Variants in YAP1 observed in about 807,000 individuals in gnomAD.
YAP1 encodes the protein Yes1 associated transcriptional regulator, also known as transcriptional coactivator YAP1.
Under a neutral mutation model 56.9 loss-of-function variants are expected in YAP1, and 5 were observed. The ratio of observed to expected loss-of-function variants is 0.09; its 90% CI spans 0.05 to 0.18. The LOEUF is 0.18. Ranked by LOEUF, YAP1 falls within the 10% of genes least tolerant of loss-of-function variation. YAP1 has a pLI of 1.00. For missense variants in YAP1, 539 were observed against 651.8 expected (o/e 0.83, Z 1.88); for synonymous variants, 265 against 248.1 (o/e 1.07, Z -0.64).
intron 5 of YAP1, 75 bp from the exon 6 acceptor site, chr11:102,209,442 A>G: frequency 7.5e-7 from 1 of 1,333,534 alleles, no homozygotes. Context: ...GTCTGGATAC[A>G]ATTTGTAAGT....
Position 102,209,535 on chromosome 11 carries a change from C to A in YAP1, c.1003C>A (p.Pro335Thr). Residue 335 changes from proline to threonine, a missense_variant, in exon 6 of 9, where the codon CCC (proline) becomes ACC (threonine). By Grantham distance (38) the Pro-to-Thr change is conservative (BLOSUM62 -1). Around this residue, in one of 4 missense-constraint regions of YAP1, gnomAD observed 414 missense variants for 512.4 expected, o/e 0.81. Coordinates refer to ENST00000282441, the MANE Select transcript of YAP1 (RefSeq NM_001130145.3). ...CTCTTAGGCAATGCGGAATATCAAT[C>A]CCAGCACAGCAAATTCTCCAAAATG... ...LLRQAMRNIN[P>T]STANSPKCQE... 1 of 1,601,290 alleles carries A rather than the reference C, an allele frequency of 6.2e-7. No homozygotes were observed. Among genetic ancestry groups the A allele is most frequent in the Non-Finnish European group, 8.5e-7 (1 of 1,176,268 alleles).
chr11:102,194,288 A>C (rs1305428279), intron 4 of YAP1, among the ~76,000 whole-genome samples: 1 of 152,202 alleles, frequency 6.6e-6, no homozygotes, highest in Non-Finnish European at 1.5e-5. Flanking sequence ...GAAAGGTCAA[A>C]TTTCTGTTGA....
In YAP1 at chr11:102,231,998, CTA is replaced by C. The variant is rs1424685575; in HGVS notation, c.*2059_*2060del. The C allele has an allele frequency of 6.6e-6, 1 of 152,510 alleles. No homozygotes were observed. Among genetic ancestry groups the C allele is most frequent in the Non-Finnish European group, 1.5e-5 (1 of 68,014 alleles). 9.4% of individuals were successfully genotyped at this position (152,510 alleles called of 1,614,324 possible). A position where few individuals can be genotyped will look rare whatever the true frequency, so the allele number is the denominator to read the frequency against. ...GGTTGATCACTCATAATAATTGACT[CTA>C]AGGCTTTTATTAAGAAAACAGCAGA... On this transcript the variant is annotated 3_prime_UTR_variant, in exon 9 of 9. Coordinates refer to ENST00000282441, the MANE Select transcript of YAP1 (RefSeq NM_001130145.3).
intron 3 of YAP1, among the ~76,000 whole-genome samples, chr11:102,178,014 G>C (rs1947365596): frequency 6.6e-6 from 1 of 152,172 alleles, no homozygotes; most frequent in Non-Finnish European, 1.5e-5. Context: ...TTACTAGGTT[G>C]GGCTGAATGA....
rs1279045642 is a variant in YAP1 at position 102,159,171 on chromosome 11, GTC to G, written c.573-3277_573-3276del. On this transcript the variant is annotated intron_variant, in intron 2 of 8. Coordinates refer to ENST00000282441, the MANE Select transcript of YAP1 (RefSeq NM_001130145.3). ...GAGTTCCTTTTCTAGTTCATTCTCTGTCTCTCTCTGTTTGTTTGTTTGTGTTT... is the reference window on the plus strand; with the variant it reads ...GAGTTCCTTTTCTAGTTCATTCTCTGTCTCTCTGTTTGTTTGTTTGTGTTT... Among the ~76,000 whole-genome samples the G allele has an allele frequency of 6.6e-5, 10 of 152,068 alleles. No individual in the cohort carries two copies. In the South Asian group the frequency reaches 8.3e-4, roughly 13 times the overall value.
chr11:102,173,786 T>TTTC (rs1401554440), intron 3 of YAP1, among the ~76,000 whole-genome samples: 2 of 152,244 alleles, frequency 1.3e-5, no homozygotes, highest in African/African-American at 4.8e-5. Flanking sequence ...TGGAGTTGAA[T>TTTC]ATGAAACTAA....
At position 102,223,713 on chromosome 11, in the gene YAP1, G is replaced by A; in HGVS notation, c.1124G>A (p.Arg375Lys). The change falls in exon 7 of 9, where the codon AGA becomes AAA. Residue 375 changes from arginine (R) to lysine (K), a missense_variant. This residue lies in a region of YAP1 where 414 missense variants were observed against 512.4 expected (regional missense o/e 0.81). Transcript: ENST00000282441. ...TCTCCCGGGATGTCTCAGGAATTGA[G>A]AACAATGACGACCAATAGCTCAGAT... ...VSSPGMSQEL[R>K]TMTTNSSDPF... The A allele has an allele frequency of 6.2e-7, 1 of 1,614,124 alleles. No individual in the cohort carries two copies. Among genetic ancestry groups the A allele is most frequent in the Non-Finnish European group, 8.5e-7 (1 of 1,180,012 alleles).
At chr11:102,152,281 G>A (rs1269490418) in intron 2 of YAP1, among the ~76,000 whole-genome samples, 2 of 152,186 alleles carry the variant, frequency 1.3e-5, no homozygotes, top group Non-Finnish European at 2.9e-5. Context: ...TGATGAAACA[G>A]CTTTGTAGTG....
intron 3 of YAP1, among the ~76,000 whole-genome samples, chr11:102,164,836 C>CCTCA (rs1387139575): frequency 1.3e-5 from 2 of 152,156 alleles, no homozygotes; most frequent in African/African-American, 2.4e-5. Flanking sequence ...GATTCTCTTG[C>CCTCA]CTCAGCCTCC....
At chr11:102,123,610 T>C (rs1943823441) in intron 2 of YAP1, among the ~76,000 whole-genome samples, 1 of 151,596 alleles carries the variant, frequency 6.6e-6, no homozygotes, top group South Asian at 2.1e-4. Context: ...GAAATTTTGA[T>C]GGCATTACTC....
intron 2 of YAP1, among the ~76,000 whole-genome samples, chr11:102,157,437 T>G (rs1199225787): frequency 1.3e-4 from 20 of 152,194 alleles, no homozygotes; most frequent in Non-Finnish European, 1.5e-5. Flanking sequence ...ACAACAAACA[T>G]GGGCCTGATA....
intron 4 of YAP1, among the ~76,000 whole-genome samples, chr11:102,202,198 C>T (rs992719125): frequency 1.3e-5 from 2 of 150,958 alleles, no homozygotes; most frequent in African/African-American, 4.9e-5. Flanking sequence ...CTCATTCTTT[C>T]GCCCAGGCTG....
chr11:102,227,561 G>A lies in YAP1; in HGVS notation c.1256G>A (p.Ser419Asn). ...VPRTPDDFLN[S>N]VDEMDTGDTI... ...CGAACCCCAGATGACTTCCTGAACA[G>A]TGTGGATGAGATGGATACAGGTTGG... Residue 419 changes from serine to asparagine, a missense_variant, in exon 8 of 9, where the codon AGT becomes AAT. By Grantham distance (46) the Ser-to-Asn change is conservative. Transcript: ENST00000282441. The A allele has an allele frequency of 6.2e-7, 1 of 1,613,166 alleles. No individual in the cohort carries two copies. The highest frequency in any genetic ancestry group is 8.5e-7 in the Non-Finnish European group (1 of 1,179,342).
chr11:102,203,373 G>C lies in YAP1; in HGVS notation c.803-2520G>C, dbSNP rs1362536299. Among the ~76,000 whole-genome samples the C allele has an allele frequency of 2.0e-5, 3 of 152,240 alleles. No homozygotes were observed. In the East Asian group the frequency reaches 5.8e-4, roughly 29 times the overall value. On this transcript the variant is annotated intron_variant, in intron 4 of 8. Coordinates refer to ENST00000282441, the MANE Select transcript of YAP1 (RefSeq NM_001130145.3). ...ATAATTCCCTTGATAATAGGGAAAT[G>C]TAGACATGGGATGGACTTTTGATAA... is the stretch of plus-strand genomic sequence containing the variant.
rs60149158 is a variant in YAP1 at position 102,230,771 on chromosome 11, TG to T, written c.*834del. 1 of 152,572 alleles carries T rather than the reference TG, an allele frequency of 6.6e-6. No individual in the cohort carries two copies. Among genetic ancestry groups the T allele is most frequent in the East Asian group, 1.9e-4 (1 of 5,200 alleles). The allele number at this position is 152,572 out of a possible 1,614,324, so 9.5% of individuals were successfully genotyped here. On this transcript the variant is annotated 3_prime_UTR_variant, in exon 9 of 9. Coordinates refer to ENST00000282441, the MANE Select transcript of YAP1 (RefSeq NM_001130145.3). ...AGTGAATCTGTTAATAGTTGTAGCT[TG>T]GGATGGTTATTGTAGTTGTTTTGGT... is the stretch of plus-strand genomic sequence containing the variant.
At chr11:102,119,316 T>C (rs1053270510) in intron 2 of YAP1, among the ~76,000 whole-genome samples, 2 of 151,996 alleles carry the variant, frequency 1.3e-5, no homozygotes, top group African/African-American at 4.8e-5. Flanking sequence ...ATTAACATAT[T>C]CCCTGGGAAA....
In YAP1 at chr11:102,164,032, A is replaced by G. The variant is rs1946446604; in HGVS notation, c.688+1461A>G. 2.6e-5 allele frequency among the ~76,000 whole-genome samples: 4 copies of G among 151,476 alleles called. No homozygotes were observed. In the South Asian group the frequency reaches 8.3e-4, roughly 32 times the overall value. Reference sequence around the variant, plus strand: ...TCTTTTATATGTGACACTTAAGTAAAAATTTTTTTTTTTTTTTTTTATTGA... The same window carrying G: ...TCTTTTATATGTGACACTTAAGTAAGAATTTTTTTTTTTTTTTTTTATTGA... On this transcript the variant is annotated intron_variant, in intron 3 of 8. Coordinates refer to ENST00000282441, the MANE Select transcript of YAP1 (RefSeq NM_001130145.3).
At chr11:102,174,759 G>C (rs1319412306) in intron 3 of YAP1, among the ~76,000 whole-genome samples, 1 of 152,098 alleles carries the variant, frequency 6.6e-6, no homozygotes. Flanking sequence ...AAAAAAGTCA[G>C]CGTCTCTACT....
At chr11:102,159,796 T>C (rs1226479851) in intron 2 of YAP1, among the ~76,000 whole-genome samples, 1 of 152,148 alleles carries the variant, frequency 6.6e-6, no homozygotes, top group Non-Finnish European at 1.5e-5. Context: ...GGGATTGTAA[T>C]ATACATCTGC....
Sources: gnomAD v4.1 joint callset for allele counts (sites outside exome capture counted in the v4.1 genomes callset) on GRCh38, gnomAD v4.1.1 for gene constraint, gnomAD v4.1.1 regional missense constraint, MANE v1.5 for transcripts, NCBI Gene and HGNC (gene_info 2026-07-23, HGNC 2026-07-21) for gene names.